The following TPH2 variants were observed in gnomAD, a reference collection of about 807,000 sequenced individuals.
The protein encoded by TPH2 is tryptophan hydroxylase 2.
TPH2 carries 27 observed loss-of-function variants against 59.1 expected under a neutral mutation model. The ratio of observed to expected loss-of-function variants is 0.46; its 90% CI spans 0.34 to 0.63. TPH2 has a LOEUF of 0.63. Ranked by LOEUF, TPH2 falls within the 30% of genes least tolerant of loss-of-function variation. The pLI, the probability that TPH2 is intolerant of heterozygous loss-of-function variation, is 0.01. For missense variants in TPH2, 523 were observed against 588.3 expected, an observed-to-expected ratio of 0.89 and a Z score of 1.15; for synonymous variants, 220 against 210.5, an observed-to-expected ratio of 1.05 and a Z score of -0.39.
intron 7 of TPH2, among the ~76,000 whole-genome samples, chr12:71,990,139 A>C (rs948578040): frequency 2.0e-5 from 3 of 152,326 alleles, no homozygotes; most frequent in East Asian, 1.9e-4. Flanking sequence ...GATTGGAGGC[A>C]GCATGTACTG....
intron 7 of TPH2, among the ~76,000 whole-genome samples, chr12:71,988,392 G>A (rs1872497491): frequency 6.6e-6 from 1 of 152,274 alleles, no homozygotes. Flanking sequence ...GGTTCTGCAG[G>A]CTGCACAGGA....
chr12:71,996,299 G>C (rs1278610802), intron 8 of TPH2, among the ~76,000 whole-genome samples: 1 of 152,208 alleles, frequency 6.6e-6, no homozygotes, highest in East Asian at 1.9e-4. Flanking sequence ...GATGTCTTTT[G>C]TGGCTTGATC....
chr12:71,953,916 T>C (rs547540276), intron 5 of TPH2, among the ~76,000 whole-genome samples: 33 of 152,248 alleles, frequency 2.2e-4, no homozygotes, highest in African/African-American at 7.9e-4. Context: ...TAATAGGGGT[T>C]AGCAGGATAT....
At chr12:71,948,544 G>A (rs1464111707) in intron 4 of TPH2, among the ~76,000 whole-genome samples, 3 of 152,172 alleles carry the variant, frequency 2.0e-5, no homozygotes, top group African/African-American at 4.8e-5. Flanking sequence ...ATGAGTTTGA[G>A]GCTCCTCTTG....
chr12:71,988,585 A>G (rs1199716369), intron 7 of TPH2, among the ~76,000 whole-genome samples: 1 of 152,210 alleles, frequency 6.6e-6, no homozygotes. Flanking sequence ...CAGCACCAAG[A>G]GGATGGTGCT....
chr12:71,993,584 G>C (rs1872628200), intron 7 of TPH2, among the ~76,000 whole-genome samples: 1 of 152,186 alleles, frequency 6.6e-6, no homozygotes, highest in African/African-American at 2.4e-5. Flanking sequence ...TGAAAGCTCA[G>C]GCAAATGAGA....
chr12:71,945,674 G>A (rs372120362), intron 4 of TPH2, among the ~76,000 whole-genome samples: 5 of 152,214 alleles, frequency 3.3e-5, no homozygotes, highest in African/African-American at 1.2e-4. Flanking sequence ...TAACAAGCCC[G>A]CCCTTAAGTT....
At chr12:71,963,206 T>G (rs11179010) in intron 5 of TPH2, among the ~76,000 whole-genome samples, 9,945 of 50,966 alleles carry the variant, frequency 0.2, 4,424 homozygotes, top group East Asian at 0.69. Context: ...TATCATAAAT[T>G]TATTGAGTGT....
intron 8 of TPH2, among the ~76,000 whole-genome samples, chr12:72,009,157 T>TG (rs1187058718): frequency 2.0e-5 from 3 of 152,100 alleles, no homozygotes; most frequent in Admixed American, 6.6e-5. Context: ...TTCCCTTAGA[T>TG]GGGGTTCATG....
At chr12:71,998,178 T>C (rs1255604791) in intron 8 of TPH2, among the ~76,000 whole-genome samples, 1 of 152,172 alleles carries the variant, frequency 6.6e-6, no homozygotes, top group African/African-American at 2.4e-5. Flanking sequence ...ACTGATTCAC[T>C]CATTTCTCTT....
At chr12:71,961,449 AG>A (rs1327126454) in intron 5 of TPH2, 6 of 1,051,614 alleles carry the variant, frequency 5.7e-6, no homozygotes, top group Non-Finnish European at 6.3e-6. Flanking sequence ...ACTCTGAAAA[AG>A]ATAGGGCCTA....
chr12:72,020,055 C>A (rs929173081), intron 8 of TPH2, among the ~76,000 whole-genome samples: 2 of 152,304 alleles, frequency 1.3e-5, no homozygotes, highest in South Asian at 4.1e-4. Context: ...CTCTTGTTAT[C>A]TTTCAGACAA....
intron 8 of TPH2, among the ~76,000 whole-genome samples, chr12:72,015,452 TGGGACTACAGGTGCCCACCA>T (rs1180769607): frequency 1.3e-5 from 2 of 151,448 alleles, no homozygotes; most frequent in Non-Finnish European, 2.9e-5. Flanking sequence ...CCTCAGTAGC[TGGGACTACAGGTGCCCACCA>T]CCACGCCCAG....
chr12:71,962,483 A>C, intron 5 of TPH2: 1 of 985,280 alleles, frequency 1.0e-6, no homozygotes, highest in Non-Finnish European at 1.2e-6. Context: ...GAATTGAGAA[A>C]ATTAGAAAAA....
chr12:71,950,901 C>T (rs929389840), intron 5 of TPH2, among the ~76,000 whole-genome samples: 1 of 152,150 alleles, frequency 6.6e-6, no homozygotes, highest in African/African-American at 2.4e-5. Context: ...TCCCTAGCTT[C>T]CTTTGATGCT....
At chr12:71,944,060 C>T (rs1466122264) in intron 2 of TPH2, among the ~76,000 whole-genome samples, 1 of 151,948 alleles carries the variant, frequency 6.6e-6, no homozygotes, top group Admixed American at 6.6e-5. Flanking sequence ...TTAAATGCCC[C>T]TTCTATTTTT....
chr12:72,015,314 T>C (rs1566164820), intron 8 of TPH2, among the ~76,000 whole-genome samples: 2 of 145,890 alleles, frequency 1.4e-5, no homozygotes, highest in African/African-American at 5.1e-5. Flanking sequence ...TTTTTTTGGT[T>C]GTTTTTTTTT....
intron 9 of TPH2, among the ~76,000 whole-genome samples, chr12:72,023,620 A>G (rs1300288553): frequency 6.6e-6 from 1 of 152,062 alleles, no homozygotes; most frequent in African/African-American, 2.4e-5. Flanking sequence ...ACCTGAGGTC[A>G]GGAGTTCAAG....
chr12:71,971,886 G>A (rs1250881519), intron 5 of TPH2, among the ~76,000 whole-genome samples: 3 of 152,276 alleles, frequency 2.0e-5, no homozygotes, highest in Admixed American at 2.0e-4. Flanking sequence ...TTACTTTTTG[G>A]CTCTTTACAG....
Sources: allele counts gnomAD v4.1 joint callset (sites outside exome capture counted in the v4.1 genomes callset), GRCh38; gene constraint gnomAD v4.1.1; transcripts MANE v1.5; gene names NCBI Gene and HGNC (gene_info 2026-07-23, HGNC 2026-07-21).